The following GRID1 variants were observed in gnomAD, a reference collection of about 807,000 sequenced individuals.
The protein encoded by GRID1 is glutamate receptor ionotropic, delta-1.
In GRID1, 28 loss-of-function variants were observed where a neutral mutation model predicts 98.0. The observed-to-expected ratio is 0.29, with a 90% confidence interval of 0.21 to 0.39. The LOEUF (loss-of-function observed/expected upper bound fraction) is 0.39. GRID1 is among the 10% of genes least tolerant of loss of function. GRID1 has a pLI of 1.00. For synonymous variants in GRID1, 553 were observed against 538.5 expected (o/e 1.03, Z -0.37); for missense variants, 1,111 against 1,340.5 (o/e 0.83, Z 2.67).
Position 86,312,498 on chromosome 10 carries a change from G to C in GRID1, c.235+51443C>G, listed in dbSNP as rs528180858. On this transcript the variant is annotated intron_variant, in intron 2 of 15. Transcript: ENST00000327946. ...TCTGCCTCTGGCAGTGGATTCAAAA[G>C]CCTTGGTTCTGCCTCCCCGAAGTCC... is the stretch of plus-strand genomic sequence containing the variant. 7.3e-3 allele frequency among the ~76,000 whole-genome samples: 1,106 copies of C among 152,288 alleles called. 9 individuals are homozygous for C. The highest frequency in any genetic ancestry group is 8.6e-3 in the Non-Finnish European group (586 of 68,028).
intron 8 of GRID1, among the ~76,000 whole-genome samples, chr10:85,753,638 C>A (rs960152448): frequency 6.6e-6 from 1 of 152,208 alleles, no homozygotes; most frequent in African/African-American, 2.4e-5. Flanking sequence ...GTGGGATACT[C>A]CATTGCTGAG....
At chr10:86,171,485 A>C (rs1448265026) in intron 3 of GRID1, among the ~76,000 whole-genome samples, 1 of 152,248 alleles carries the variant, frequency 6.6e-6, no homozygotes, top group Non-Finnish European at 1.5e-5. Flanking sequence ...TTAGCTACTA[A>C]CTGGCTTTAT....
intron 8 of GRID1, among the ~76,000 whole-genome samples, chr10:85,767,003 A>G (rs984137368): frequency 3.3e-5 from 5 of 152,122 alleles, no homozygotes; most frequent in African/African-American, 1.2e-4. Flanking sequence ...CCAAGAATAT[A>G]TCCATGCCCC....
chr10:86,171,665 G>A (rs1319637154), intron 3 of GRID1, among the ~76,000 whole-genome samples: 6 of 152,222 alleles, frequency 3.9e-5, no homozygotes, highest in African/African-American at 1.4e-4. Context: ...TTCAAAGACA[G>A]ATGGTTTTAA....
At chr10:86,327,593 G>A (rs1258584149) in intron 2 of GRID1, among the ~76,000 whole-genome samples, 1 of 152,174 alleles carries the variant, frequency 6.6e-6, no homozygotes. Flanking sequence ...TGTTTGCAGT[G>A]AACTCTTAGG....
At chr10:85,770,470 A>G (rs1234490201) in intron 8 of GRID1, among the ~76,000 whole-genome samples, 1 of 152,228 alleles carries the variant, frequency 6.6e-6, no homozygotes, top group Non-Finnish European at 1.5e-5. Context: ...ACAAAGCTGG[A>G]CGGAGAATGC....
intron 2 of GRID1, among the ~76,000 whole-genome samples, chr10:86,224,397 C>T (rs1846308127): frequency 6.6e-6 from 1 of 152,198 alleles, no homozygotes. Context: ...CAACCCAAGG[C>T]TCCTGGGCTT....
chr10:86,021,991 T>C (rs1843055819), intron 4 of GRID1, among the ~76,000 whole-genome samples: 2 of 152,208 alleles, frequency 1.3e-5, no homozygotes, highest in African/African-American at 4.8e-5. Flanking sequence ...TAAAATTGTC[T>C]AGCATCCACT....
At chr10:85,903,762 A>T (rs947401450) in intron 5 of GRID1, among the ~76,000 whole-genome samples, 1 of 152,152 alleles carries the variant, frequency 6.6e-6, no homozygotes, top group South Asian at 2.1e-4. Flanking sequence ...CCTCTGTGCC[A>T]TTCCTAAAGC....
At chr10:85,767,583 T>A (rs1186304668) in intron 8 of GRID1, among the ~76,000 whole-genome samples, 1 of 152,216 alleles carries the variant, frequency 6.6e-6, no homozygotes, top group Non-Finnish European at 1.5e-5. Context: ...TTTGGGCCTG[T>A]TGTTAATCAT....
chr10:85,821,046 A>G (rs561954649), intron 8 of GRID1, among the ~76,000 whole-genome samples: 1 of 152,332 alleles, frequency 6.6e-6, no homozygotes, highest in Admixed American at 6.5e-5. Flanking sequence ...CAGATAAAGA[A>G]ATATGGTTTT....
chr10:86,002,074 T>C (rs368289696), intron 4 of GRID1, among the ~76,000 whole-genome samples: 1 of 152,240 alleles, frequency 6.6e-6, no homozygotes, highest in South Asian at 2.1e-4. Context: ...CCTCTTCTTA[T>C]GAGAACACAA....
intron 4 of GRID1, among the ~76,000 whole-genome samples, chr10:86,047,175 A>G (rs1843435983): frequency 6.6e-6 from 1 of 152,218 alleles, no homozygotes; most frequent in Non-Finnish European, 1.5e-5. Context: ...GTTCATCATC[A>G]AAGACAGCTC....
intron 4 of GRID1, among the ~76,000 whole-genome samples, chr10:86,020,974 C>A (rs921362697): frequency 6.6e-6 from 1 of 152,162 alleles, no homozygotes; most frequent in Non-Finnish European, 1.5e-5. Flanking sequence ...AGCAGCCCCC[C>A]AGAACTCTTG....
At chr10:86,307,628 A>T (rs895983388) in intron 2 of GRID1, among the ~76,000 whole-genome samples, 1 of 152,200 alleles carries the variant, frequency 6.6e-6, no homozygotes, top group Admixed American at 6.5e-5. Flanking sequence ...CACGAAGATT[A>T]TAGTTAATAA....
intron 4 of GRID1, among the ~76,000 whole-genome samples, chr10:86,106,219 T>C (rs551368169): frequency 2.0e-5 from 3 of 152,010 alleles, no homozygotes; most frequent in African/African-American, 7.3e-5. Flanking sequence ...CAAAAAAAAA[T>C]TGAAGATTGG....
chr10:86,092,094 A>T (rs1281967290), intron 4 of GRID1, among the ~76,000 whole-genome samples: 6 of 152,228 alleles, frequency 3.9e-5, no homozygotes, highest in Admixed American at 3.9e-4. Context: ...CCCCAAAAAA[A>T]TCACACTAGT....
chr10:86,260,033 G>A (rs1226098552), intron 2 of GRID1, among the ~76,000 whole-genome samples: 1 of 152,244 alleles, frequency 6.6e-6, no homozygotes, highest in African/African-American at 2.4e-5. Flanking sequence ...TGGTTAGTGT[G>A]AACTGGTCTC....
At chr10:85,687,429 A>T (rs10887517) in intron 12 of GRID1, among the ~76,000 whole-genome samples, 1 of 151,900 alleles carries the variant, frequency 6.6e-6, no homozygotes, top group African/African-American at 2.4e-5. Context: ...ATTTTTTAAA[A>T]TTTGAATTTG....
Sources: gnomAD v4.1 joint callset for allele counts (sites outside exome capture counted in the v4.1 genomes callset) on GRCh38, gnomAD v4.1.1 for gene constraint, MANE v1.5 for transcripts, NCBI Gene and HGNC (gene_info 2026-07-23, HGNC 2026-07-21) for gene names.